NLGN1: variants seen among roughly 807,000 people sequenced by gnomAD.
NLGN1 encodes neuroligin 1, also known as neuroligin-1.
NLGN1 carries 12 observed loss-of-function variants against 65.5 expected under a neutral mutation model. The observed-to-expected ratio is 0.18, with a 90% CI of 0.12 to 0.30. The LOEUF is 0.30. Ranked by LOEUF, NLGN1 falls within the 10% of genes least tolerant of loss-of-function variation. The pLI is 1.00. For missense variants in NLGN1, 750 were observed against 1,007.1 expected (o/e 0.74, Z 3.46); for synonymous variants, 350 against 359.5 (o/e 0.97, Z 0.30).
intron 2 of NLGN1, among the ~76,000 whole-genome samples, chr3:173,515,389 G>T (rs542668311): frequency 6.6e-6 from 1 of 151,824 alleles, no homozygotes; most frequent in Non-Finnish European, 1.5e-5. Flanking sequence ...GAGTTTAAAC[G>T]CTTATCAGAT....
At chr3:173,945,151 T>G (rs1301281387) in intron 4 of NLGN1, among the ~76,000 whole-genome samples, 2 of 151,962 alleles carry the variant, frequency 1.3e-5, no homozygotes, top group East Asian at 3.9e-4. Context: ...CTCATCTGCT[T>G]GATTTCAGAA....
chr3:173,525,748 T>C (rs1735543854), intron 2 of NLGN1, among the ~76,000 whole-genome samples: 1 of 152,124 alleles, frequency 6.6e-6, no homozygotes. Context: ...TATAAGCTTT[T>C]CTCTTATCAC....
chr3:173,447,978 T>C (rs551287229), intron 2 of NLGN1, among the ~76,000 whole-genome samples: 16 of 152,228 alleles, frequency 1.1e-4, no homozygotes, highest in Admixed American at 4.6e-4. Flanking sequence ...CGATGGGGTT[T>C]TCCAGATATA....
chr3:174,021,036 C>T (rs1727654123), intron 4 of NLGN1, among the ~76,000 whole-genome samples: 1 of 151,976 alleles, frequency 6.6e-6, no homozygotes. Context: ...TATCTCTTTA[C>T]TCAGCTATTG....
chr3:173,449,753 G>C (rs1478747127), intron 2 of NLGN1, among the ~76,000 whole-genome samples: 3 of 152,146 alleles, frequency 2.0e-5, no homozygotes, highest in Non-Finnish European at 4.4e-5. Context: ...CTGCTGTATT[G>C]GGTGCGTATA....
intron 4 of NLGN1, among the ~76,000 whole-genome samples, chr3:173,994,344 C>T (rs1721803390): frequency 6.6e-6 from 1 of 151,750 alleles, no homozygotes; most frequent in Non-Finnish European, 1.5e-5. Context: ...ATCTGCCTGC[C>T]TCAGCCCCTC....
intron 3 of NLGN1, among the ~76,000 whole-genome samples, chr3:173,681,723 G>T (rs945361035): frequency 1.3e-5 from 2 of 152,162 alleles, no homozygotes; most frequent in African/African-American, 4.8e-5. Context: ...TAAGCTCTCT[G>T]CACCGTGTTC....
intron 1 of NLGN1, among the ~76,000 whole-genome samples, chr3:173,416,306 A>G (rs1713783232): frequency 6.6e-6 from 1 of 152,208 alleles, no homozygotes; most frequent in African/African-American, 2.4e-5. Flanking sequence ...AATAGAGATA[A>G]TATCTTCCTC....
exon 7 of NLGN1, chr3:174,282,754 A>G (rs1751686357): frequency 6.6e-6 from 1 of 152,168 alleles, no homozygotes; most frequent in South Asian, 2.1e-4. Context: ...GCACATCCTG[A>G]TAAATACTTT....
At chr3:174,270,066 T>TAATA (rs1749059253) in intron 4 of NLGN1, among the ~76,000 whole-genome samples, 1 of 151,640 alleles carries the variant, frequency 6.6e-6, no homozygotes, top group South Asian at 2.1e-4. Context: ...TTCTGGATAT[T>TAATA]AATACTTTAT....
intron 2 of NLGN1, among the ~76,000 whole-genome samples, chr3:173,450,536 T>A (rs527770468): frequency 3.3e-5 from 5 of 152,158 alleles, no homozygotes; most frequent in African/African-American, 1.2e-4. Flanking sequence ...GACAATTATG[T>A]GTCTTGGAGT....
intron 4 of NLGN1, among the ~76,000 whole-genome samples, chr3:174,040,258 G>A (rs73184601): frequency 0.12 from 18,160 of 152,030 alleles, 1,160 homozygotes; most frequent in East Asian, 0.18. Flanking sequence ...TGTGTGTTAC[G>A]TAAGGGGAAT....
At chr3:174,178,265 G>A (rs766165720) in intron 4 of NLGN1, among the ~76,000 whole-genome samples, 1 of 151,968 alleles carries the variant, frequency 6.6e-6, no homozygotes, top group Non-Finnish European at 1.5e-5. Context: ...CATAATTTTC[G>A]CTATTCCCAA....
chr3:173,618,129 T>A (rs1753412054), intron 3 of NLGN1, among the ~76,000 whole-genome samples: 2 of 152,160 alleles, frequency 1.3e-5, no homozygotes, highest in South Asian at 4.1e-4. Context: ...TTCCTTATGA[T>A]TTGGCCTTCC....
intron 4 of NLGN1, among the ~76,000 whole-genome samples, chr3:173,952,717 A>G (rs965442936): frequency 6.1e-5 from 9 of 148,234 alleles, no homozygotes; most frequent in African/African-American, 2.0e-4. Context: ...AATGTTTATT[A>G]TTTTCCTTCA....
intron 3 of NLGN1, among the ~76,000 whole-genome samples, chr3:173,607,240 A>C (rs960658131): frequency 6.6e-6 from 1 of 151,908 alleles, no homozygotes; most frequent in Non-Finnish European, 1.5e-5. Flanking sequence ...AGAGATGTGT[A>C]GGCAATGCTA....
At chr3:173,941,267 AAATTG>A (rs1347732547) in intron 4 of NLGN1, among the ~76,000 whole-genome samples, 1 of 152,054 alleles carries the variant, frequency 6.6e-6, no homozygotes. Flanking sequence ...TGGCTTATAA[AAATTG>A]AATGGCAGTT....
intron 4 of NLGN1, among the ~76,000 whole-genome samples, chr3:173,892,348 A>C (rs1735506694): frequency 1.3e-5 from 2 of 151,924 alleles, no homozygotes; most frequent in Admixed American, 1.3e-4. Flanking sequence ...TTTTTCAGAT[A>C]TGTTGTGACC....
chr3:173,665,944 T>C (rs1295541659), intron 3 of NLGN1, among the ~76,000 whole-genome samples: 1 of 152,148 alleles, frequency 6.6e-6, no homozygotes, highest in Non-Finnish European at 1.5e-5. Context: ...AAAATGCATT[T>C]TCTTTATATG....
Sources: gnomAD v4.1 joint callset for allele counts (sites outside exome capture counted in the v4.1 genomes callset) on GRCh38, gnomAD v4.1.1 for gene constraint, MANE v1.5 for transcripts, NCBI Gene and HGNC (gene_info 2026-07-23, HGNC 2026-07-21) for gene names.